Variants in PRDM6 observed in about 807,000 individuals in gnomAD.
The protein encoded by PRDM6 is putative histone-lysine N-methyltransferase PRDM6.
A neutral mutation model predicts 60.8 loss-of-function variants in PRDM6; 25 were observed. That is an observed-to-expected ratio of 0.41 (90% CI 0.30 to 0.57). The LOEUF (loss-of-function observed/expected upper bound fraction) is 0.57, where lower values mean the gene tolerates loss of function less well. Ranked by LOEUF, PRDM6 falls within the 20% of genes least tolerant of loss-of-function variation. PRDM6 has a pLI of 0.27. For synonymous variants in PRDM6, 407 were observed against 357.4 expected (o/e 1.14, Z -1.57); for missense variants, 839 against 821.3 (o/e 1.02, Z -0.26).
Position 123,090,570 on chromosome 5 carries a change from A to G in PRDM6, c.556A>G (p.Ile186Val). ...GTATGGCCAGCAGCGCATGGAGATCATCCCGCTCAACCAGCACACCAGCGA... is the reference window on the plus strand; with the variant it reads ...GTATGGCCAGCAGCGCATGGAGATCGTCCCGCTCAACCAGCACACCAGCGA... ...YLYGQQRMEI[I>V]PLNQHTSDPN... The change falls in exon 2 of 8, where the codon ATC becomes GTC. Residue 186 changes from isoleucine to valine, a missense_variant. Physicochemically the swap from Ile to Val is conservative, Grantham distance 29 (BLOSUM62 3). Transcript: ENST00000407847. The G allele has an allele frequency of 1.3e-6, 2 of 1,525,648 alleles. No homozygotes were observed. Among genetic ancestry groups the G allele is most frequent in the Non-Finnish European group, 1.7e-6 (2 of 1,143,654 alleles). 94.5% of individuals were successfully genotyped at this position (1,525,648 alleles called of 1,614,324 possible). A position where few individuals can be genotyped will look rare whatever the true frequency, so the allele number is the denominator to read the frequency against.
chr5:123,132,648 C>T (rs1764858294), intron 3 of PRDM6, among the ~76,000 whole-genome samples: 1 of 152,106 alleles, frequency 6.6e-6, no homozygotes, highest in Non-Finnish European at 1.5e-5. Context: ...AGTGTGCCTA[C>T]ACAAGATAAT....
chr5:123,192,339 C>A lies in PRDM6; in HGVS notation c.*5138C>A, dbSNP rs1766449427. 2.0e-5 allele frequency: 3 copies of A among 152,066 alleles called. No homozygotes were observed. In the South Asian group the frequency reaches 6.2e-4, roughly 32 times the overall value. The allele number at this position is 152,066 out of a possible 1,614,324, so 9.4% of individuals were successfully genotyped here. The stretch of plus-strand genomic sequence containing the variant: ...CTTTAGTTTTTTTCCTCCTTCAAAG[C>A]CATAAACAGGCAATTGTTAAAAGAG... On this transcript the variant is annotated 3_prime_UTR_variant, in exon 8 of 8. Coordinates refer to ENST00000407847, the MANE Select transcript of PRDM6 (RefSeq NM_001136239.4).
intron 3 of PRDM6, among the ~76,000 whole-genome samples, chr5:123,102,625 T>C (rs1764128542): frequency 6.6e-6 from 1 of 152,106 alleles, no homozygotes; most frequent in Non-Finnish European, 1.5e-5. Context: ...CAAAATGTAT[T>C]AAAAAAATTA....
intron 5 of PRDM6, among the ~76,000 whole-genome samples, chr5:123,161,915 T>C (rs907436562): frequency 1.3e-5 from 2 of 152,220 alleles, no homozygotes; most frequent in East Asian, 3.8e-4. Context: ...TAGAGGCTCT[T>C]GCAGAAATCC....
rs1201217613 is a variant in PRDM6 at position 123,194,184 on chromosome 5, G to GA, written c.*6989dup. On this transcript the variant is annotated 3_prime_UTR_variant, in exon 8 of 8. Transcript: ENST00000407847. ...TACCAGGATTAAGTTGTATTTAAAT[G>GA]AAAAAACAGGTACACATTTAGAGAT... 6.6e-6 allele frequency: 1 copy of GA among 152,062 alleles called. No individual in the cohort carries two copies. Among genetic ancestry groups the GA allele is most frequent in the African/African-American group, 2.4e-5 (1 of 41,412 alleles). 9.4% of individuals were successfully genotyped at this position (152,062 alleles called of 1,614,324 possible).
intron 3 of PRDM6, among the ~76,000 whole-genome samples, chr5:123,134,347 G>T (rs1415971813): frequency 2.0e-5 from 3 of 152,052 alleles, no homozygotes; most frequent in African/African-American, 7.2e-5. Context: ...AAGTTTTTCA[G>T]TATAGATCTT....
intron 5 of PRDM6, among the ~76,000 whole-genome samples, chr5:123,170,199 G>A (rs955013080): frequency 2.0e-5 from 3 of 152,136 alleles, no homozygotes; most frequent in East Asian, 1.9e-4. Context: ...TACTGCATGC[G>A]ACACTCCTCC....
At chr5:123,131,762 T>G (rs774322814) in intron 3 of PRDM6, among the ~76,000 whole-genome samples, 4 of 152,238 alleles carry the variant, frequency 2.6e-5, no homozygotes, top group Non-Finnish European at 1.5e-5. Context: ...TTCTCAAGTT[T>G]TGATTCATAT....
rs576179004 is a variant in PRDM6, at chr5:123,150,753, A to G, written c.901-5131A>G. 2.8e-4 allele frequency among the ~76,000 whole-genome samples: 42 copies of G among 152,266 alleles called. 1 individual carries two copies. In the South Asian group the frequency reaches 8.7e-3, roughly 32 times the overall value. ...TGTCTTTTTATCTGGTCTTCCCTGGATACTCCATGAGCTGTGAAAGGATTG... is the reference window on the plus strand; with the variant it reads ...TGTCTTTTTATCTGGTCTTCCCTGGGTACTCCATGAGCTGTGAAAGGATTG... On this transcript the variant is annotated intron_variant, in intron 3 of 7. Coordinates refer to ENST00000407847, the MANE Select transcript of PRDM6 (RefSeq NM_001136239.4).
At chr5:123,146,487 C>A (rs458158) in intron 3 of PRDM6, among the ~76,000 whole-genome samples, 46,173 of 152,018 alleles carry the variant, frequency 0.3, 7,453 homozygotes, top group Middle Eastern at 0.37. Context: ...ATAATAGTTC[C>A]ATTTCCTGTT....
At chr5:123,150,823 A>G (rs1765354243) in intron 3 of PRDM6, among the ~76,000 whole-genome samples, 1 of 152,046 alleles carries the variant, frequency 6.6e-6, no homozygotes, top group African/African-American at 2.4e-5. Flanking sequence ...ATCTCCAACG[A>G]CCTTTTCTGG....
At chr5:123,102,684 T>C (rs1764130441) in intron 3 of PRDM6, among the ~76,000 whole-genome samples, 1 of 152,194 alleles carries the variant, frequency 6.6e-6, no homozygotes, top group South Asian at 2.1e-4. Context: ...ACTGTAATCA[T>C]TTCTCTTCCT....
intron 7 of PRDM6, among the ~76,000 whole-genome samples, chr5:123,184,705 T>G (rs1766243821): frequency 6.6e-6 from 1 of 152,182 alleles, no homozygotes; most frequent in Non-Finnish European, 1.5e-5. Flanking sequence ...ATGAAAATAT[T>G]TTGTGGAAGA....
intron 3 of PRDM6, 40 bp from the exon 4 acceptor site, chr5:123,155,844 G>T: frequency 1.3e-6 from 2 of 1,539,822 alleles, no homozygotes; most frequent in South Asian, 1.2e-5. Flanking sequence ...GATTGCTGAT[G>T]ATTCGTTCTA....
At chr5:123,168,889 C>T (rs1465139503) in intron 5 of PRDM6, among the ~76,000 whole-genome samples, 1 of 152,252 alleles carries the variant, frequency 6.6e-6, no homozygotes, top group Non-Finnish European at 1.5e-5. Context: ...TGTGCCCACA[C>T]ATGGCATCTC....
At chr5:123,120,858 T>C (rs1157267095) in intron 3 of PRDM6, among the ~76,000 whole-genome samples, 1 of 152,246 alleles carries the variant, frequency 6.6e-6, no homozygotes, top group Admixed American at 6.5e-5. Flanking sequence ...GACATGTTAG[T>C]TAATCTTTTG....
At position 123,187,203 on chromosome 5, in the gene PRDM6, G is replaced by A. The variant is rs373102899; in HGVS notation, c.*2G>A. The A allele has an allele frequency of 5.7e-5, 88 of 1,542,408 alleles. No homozygotes were observed. In the East Asian group the frequency reaches 1.2e-3, roughly 21 times the overall value. ...CCAGAATCAATCGAAGTGGATTAACGGATTGACTGGTTGGAATTAAACTGC... is the reference window on the plus strand; with the variant it reads ...CCAGAATCAATCGAAGTGGATTAACAGATTGACTGGTTGGAATTAAACTGC... On this transcript the variant is annotated 3_prime_UTR_variant, in exon 8 of 8. Coordinates refer to ENST00000407847, the MANE Select transcript of PRDM6 (RefSeq NM_001136239.4).
intron 3 of PRDM6, among the ~76,000 whole-genome samples, chr5:123,117,793 G>A (rs1350815735): frequency 6.6e-6 from 1 of 152,228 alleles, no homozygotes; most frequent in Non-Finnish European, 1.5e-5. Flanking sequence ...CTTTGCATGT[G>A]CAGTGACTAT....
At chr5:123,134,279 G>C (rs1307783122) in intron 3 of PRDM6, among the ~76,000 whole-genome samples, 2 of 152,010 alleles carry the variant, frequency 1.3e-5, no homozygotes, top group African/African-American at 2.4e-5. Flanking sequence ...TTAGTTATTA[G>C]AGATGTTAGC....
Sources: allele counts gnomAD v4.1 joint callset (sites outside exome capture counted in the v4.1 genomes callset), GRCh38; gene constraint gnomAD v4.1.1; transcripts MANE v1.5; gene names NCBI Gene and HGNC (gene_info 2026-07-23, HGNC 2026-07-21).